The following PKD2 variants were observed in gnomAD, a reference collection of about 807,000 sequenced individuals.
PKD2 encodes the protein polycystin 2, transient receptor potential cation channel, also known as polycystin-2.
PKD2 carries 48 observed loss-of-function variants against 105.9 expected under a neutral mutation model. That is an observed-to-expected ratio of 0.45 (90% CI 0.36 to 0.58). The LOEUF (loss-of-function observed/expected upper bound fraction) is 0.58, where lower values mean the gene tolerates loss of function less well. Among genes scored for constraint, PKD2 ranks in the 20% least tolerant of loss-of-function variants. PKD2 has a pLI of 0.00. For synonymous variants in PKD2, 464 were observed against 481.1 expected (o/e 0.96, Z 0.46); for missense variants, 1,078 against 1,255.3 (o/e 0.86, Z 2.13).
At chr4:88,070,574 TTATATA>T (rs57470805) in intron 13 of PKD2, among the ~76,000 whole-genome samples, 2,041 of 113,828 alleles carry the variant, frequency 0.018, 56 homozygotes, top group African/African-American at 0.058. Context: ...TTTATTTATT[TTATATA>T]TATATATATA....
intron 9 of PKD2, among the ~76,000 whole-genome samples, chr4:88,061,679 A>G (rs540175856): frequency 2.0e-5 from 3 of 152,264 alleles, no homozygotes; most frequent in African/African-American, 7.2e-5. Flanking sequence ...CAGAGGTTGC[A>G]GTAAGCTGAG....
chr4:88,034,852 A>G (rs1221784031), intron 2 of PKD2, among the ~76,000 whole-genome samples: 3 of 152,186 alleles, frequency 2.0e-5, no homozygotes, highest in South Asian at 4.1e-4. Flanking sequence ...TGTATAGAAC[A>G]TGTTTCCTTC....
At chr4:88,037,955 AC>A (rs1727400994) in intron 3 of PKD2, among the ~76,000 whole-genome samples, 1 of 152,216 alleles carries the variant, frequency 6.6e-6, no homozygotes, top group African/African-American at 2.4e-5. Context: ...TAGTCCAAGA[AC>A]AAAAATCAGA....
chr4:88,036,316 A>G lies in PKD2; in HGVS notation c.806A>G (p.Asn269Ser), dbSNP rs201632217. 1.2e-6 allele frequency: 2 copies of G among 1,614,074 alleles called. No individual in the cohort carries two copies. The highest frequency in any genetic ancestry group is 4.5e-5 in the East Asian group (2 of 44,890). The change falls in exon 3 of 15, where the codon AAC becomes AGC. Residue 269 changes from asparagine (N) to serine (S), a missense_variant. Coordinates refer to ENST00000237596, the MANE Select transcript of PKD2 (RefSeq NM_000297.4). ...DTPVSKTEKT[N>S]FKTLSSMEDF... ...CCCGTGTCCAAAACGGAGAAAACTA[A>G]CTTTAAAACTCTGTCTTCCATGGAA...
intron 13 of PKD2, among the ~76,000 whole-genome samples, chr4:88,070,571 AT>A (rs202207351): frequency 0.087 from 10,133 of 116,458 alleles, 562 homozygotes; most frequent in East Asian, 0.24. Flanking sequence ...TTATTTATTT[AT>A]TTTATATATA....
In PKD2 at chr4:88,056,221, G is replaced by C. The variant is rs1386505000; in HGVS notation, c.1852G>C (p.Val618Leu). The C allele has an allele frequency of 6.2e-7, 1 of 1,613,412 alleles. No homozygotes were observed. Among genetic ancestry groups the C allele is most frequent in the Non-Finnish European group, 8.5e-7 (1 of 1,179,558 alleles). Reference sequence around the variant, plus strand: ...AGCGTATGCTCAGTTGGCATACCTTGTCTTTGGCACTCAGGTCGATGACTT... The same window carrying C: ...AGCGTATGCTCAGTTGGCATACCTTCTCTTTGGCACTCAGGTCGATGACTT... ...FLAYAQLAYL[V>L]FGTQVDDFST... is the part of the protein sequence containing the mutation. The change falls in exon 8 of 15, where the codon GTC becomes CTC. Residue 618 changes from valine to leucine, a missense_variant. This residue lies in a region of PKD2 where 868 missense variants were observed against 1,067.3 expected (regional missense o/e 0.81). Coordinates refer to ENST00000237596, the MANE Select transcript of PKD2 (RefSeq NM_000297.4).
At chr4:88,017,942 C>T (rs1726615667) in intron 1 of PKD2, among the ~76,000 whole-genome samples, 1 of 152,126 alleles carries the variant, frequency 6.6e-6, no homozygotes, top group African/African-American at 2.4e-5. Context: ...ATAAATTTAC[C>T]CAAAGAAGTG....
intron 2 of PKD2, among the ~76,000 whole-genome samples, chr4:88,024,457 GAAAAAAA>G (rs552942631): frequency 7.9e-4 from 40 of 50,386 alleles, no homozygotes; most frequent in Non-Finnish European, 6.3e-4. Flanking sequence ...ACTCTGTCTC[GAAAAAAA>G]AAAAAAAAAA....
At chr4:88,070,338 G>A (rs1720963466) in intron 13 of PKD2, among the ~76,000 whole-genome samples, 1 of 151,770 alleles carries the variant, frequency 6.6e-6, no homozygotes, top group Non-Finnish European at 1.5e-5. Flanking sequence ...TACTTAGAAA[G>A]TGTTTTTTCT....
chr4:88,074,893 G>A lies in PKD2; in HGVS notation c.2604G>A (p.Glu868=). The A allele has an allele frequency of 1.2e-6, 2 of 1,614,172 alleles. No individual in the cohort carries two copies. The highest frequency in any genetic ancestry group is 1.7e-6 in the Non-Finnish European group (2 of 1,180,020). ...SKIDAVIVKL[E]IMERAKLKRR... Reference sequence around the variant, plus strand: ...TTGACGCCGTGATCGTGAAGCTAGAGATTATGGAGCGAGCCAAACTGAAGA... The same window carrying A: ...TTGACGCCGTGATCGTGAAGCTAGAAATTATGGAGCGAGCCAAACTGAAGA... The change falls in exon 14 of 15, where the codon GAG becomes GAA. Residue 868 remains glutamate (E), a synonymous_variant. Coordinates refer to ENST00000237596, the MANE Select transcript of PKD2 (RefSeq NM_000297.4).
At chr4:88,053,859 G>T (rs77430479) in intron 7 of PKD2, among the ~76,000 whole-genome samples, 11 of 152,140 alleles carry the variant, frequency 7.2e-5, no homozygotes, top group Non-Finnish European at 1.6e-4. Flanking sequence ...GTCCTAGACA[G>T]TAGCCACTAA....
chr4:88,064,930 T>TTTTG (rs60590515), intron 10 of PKD2, among the ~76,000 whole-genome samples: 45 of 152,012 alleles, frequency 3.0e-4, no homozygotes, highest in East Asian at 9.7e-4. Flanking sequence ...TCACTGGGTT[T>TTTTG]TTTGTTTGTT....
chr4:88,052,660 A>G (rs990293012), intron 7 of PKD2, among the ~76,000 whole-genome samples: 2 of 152,130 alleles, frequency 1.3e-5, no homozygotes, highest in East Asian at 3.9e-4. Flanking sequence ...AATTAGTGCA[A>G]GATCAGTCCC....
intron 2 of PKD2, among the ~76,000 whole-genome samples, chr4:88,022,053 A>G (rs557066932): frequency 1.3e-5 from 2 of 152,066 alleles, no homozygotes; most frequent in Non-Finnish European, 1.5e-5. Flanking sequence ...GGCTTGTGCA[A>G]CCTACCATGG....
intron 2 of PKD2, among the ~76,000 whole-genome samples, chr4:88,023,335 G>T (rs1034043032): frequency 2.0e-5 from 3 of 152,086 alleles, no homozygotes; most frequent in Non-Finnish European, 4.4e-5. Context: ...ACTTTTAAAT[G>T]ACCAGATCGC....
rs773773669 is a variant in PKD2, at chr4:88,056,129, C to T, written c.1760C>T (p.Ser587Leu). Reference protein sequence around the residue: ...INFNRTMSQLSTTMSRCAKDL... With the variant: ...INFNRTMSQLLTTMSRCAKDL... ...TTTAACAGGACCATGAGCCAGCTCT[C>T]GACAACCATGTCTCGATGTGCCAAA... Residue 587 changes from serine to leucine, a missense_variant, in exon 8 of 15, where the codon TCG becomes TTG. By Grantham distance (145) the Ser-to-Leu change is moderately radical (BLOSUM62 -2). This residue lies in a region of PKD2 where 868 missense variants were observed against 1,067.3 expected (regional missense o/e 0.81). Transcript: ENST00000237596. The T allele has an allele frequency of 2.4e-5, 38 of 1,613,546 alleles. No homozygotes were observed. Among genetic ancestry groups the T allele is most frequent in the Middle Eastern group, 1.6e-4 (1 of 6,080 alleles).
intron 14 of PKD2, 80 bp from the exon 15 acceptor site, chr4:88,075,378 C>G (rs1255297433): frequency 2.0e-6 from 2 of 1,021,620 alleles, no homozygotes; most frequent in East Asian, 2.4e-5. Context: ...CCTTACCAAA[C>G]TACAGATTAT....
rs567936151 is a variant in PKD2, at chr4:88,043,125, A to G, written c.1095-108A>G. ...CAGGTCAGGCACAGTACCCAGCTTG[A>G]TAGGCCTTAATACATACTTTATTTT... On this transcript the variant is annotated intron_variant, in intron 4 of 14. Coordinates refer to ENST00000237596, the MANE Select transcript of PKD2 (RefSeq NM_000297.4). 109 of 740,248 alleles carry G rather than the reference A, an allele frequency of 1.5e-4. No homozygotes were observed. In the Admixed American group the frequency reaches 2.2e-3, roughly 15 times the overall value. 45.9% of individuals were successfully genotyped at this position (740,248 alleles called of 1,614,324 possible).
intron 3 of PKD2, among the ~76,000 whole-genome samples, chr4:88,037,921 T>C (rs1355005314): frequency 6.6e-6 from 1 of 152,204 alleles, no homozygotes; most frequent in Non-Finnish European, 1.5e-5. Context: ...TAAGGGAAAG[T>C]GCAGTTAATC....
Sources: allele counts gnomAD v4.1 joint callset (sites outside exome capture counted in the v4.1 genomes callset), GRCh38; gene constraint gnomAD v4.1.1; regional missense constraint gnomAD v4.1.1; transcripts MANE v1.5; gene names NCBI Gene and HGNC (gene_info 2026-07-23, HGNC 2026-07-21).